The following PP2D1 variants were observed in gnomAD, a reference collection of about 807,000 sequenced individuals.
PP2D1 encodes protein phosphatase 2C-like domain-containing protein 1.
Under a neutral mutation model 30.2 loss-of-function variants are expected in PP2D1, and 25 were observed. That is an observed-to-expected ratio of 0.83 (90% CI 0.60 to 1.16). The LOEUF (loss-of-function observed/expected upper bound fraction) is 1.16, where lower values mean the gene tolerates loss of function less well. Among genes scored for constraint, PP2D1 ranks in the 50% most tolerant of loss-of-function variants. PP2D1 has a pLI of 0.00. For missense variants in PP2D1, 760 were observed against 742.4 expected, an observed-to-expected ratio of 1.02 and a Z score of -0.28; for synonymous variants, 260 against 258.9, an observed-to-expected ratio of 1.00 and a Z score of -0.04.
chr3:19,981,961 G>A (rs1319806028), downstream of PP2D1, among the ~76,000 whole-genome samples: 1 of 152,126 alleles, frequency 6.6e-6, no homozygotes, highest in African/African-American at 2.4e-5. Flanking sequence ...GAGAAAATGA[G>A]GTTGGTTGAG....
intron 1 of PP2D1, among the ~76,000 whole-genome samples, chr3:20,011,576 A>C (rs568530621): frequency 6.6e-6 from 1 of 152,266 alleles, no homozygotes; most frequent in East Asian, 1.9e-4. Flanking sequence ...AGGCGGGCCT[A>C]TCACTTGAGG....
rs1435620127 is a variant in PP2D1, at chr3:19,985,856, T to C, written c.1417A>G (p.Thr473Ala). ...KEEVTALAMT[T>A]FHMYKETYCP... is the part of the protein sequence containing the mutation. ...TATGTTTCTTTATACATGTGAAATG[T>C]TGTCATTGCCAGGGCAGTAACTTCC... The change falls in exon 3 of 3, where the codon ACA becomes GCA. Residue 473 changes from threonine (T) to alanine (A), a missense_variant. Physicochemically the swap from Thr to Ala is moderately conservative, Grantham distance 58. Around this residue, in one of 3 missense-constraint regions of PP2D1, gnomAD observed 369 missense variants for 316.2 expected, o/e 1.17. Transcript: ENST00000389050. The C allele has an allele frequency of 4.6e-6, 7 of 1,536,258 alleles. No homozygotes were observed. The highest frequency in any genetic ancestry group is 6.1e-6 in the Non-Finnish European group (7 of 1,146,932).
At chr3:20,006,087 G>C (rs959595607) in intron 1 of PP2D1, among the ~76,000 whole-genome samples, 2 of 151,776 alleles carry the variant, frequency 1.3e-5, no homozygotes, top group Non-Finnish European at 2.9e-5. Context: ...TCTACTAATA[G>C]TACCCCAAAA....
chr3:20,005,256 G>A (rs1380985630), intron 1 of PP2D1, among the ~76,000 whole-genome samples: 8 of 151,906 alleles, frequency 5.3e-5, no homozygotes, highest in East Asian at 1.9e-4. Flanking sequence ...GGGTTCAAGC[G>A]TTTCTCCTGC....
intron 1 of PP2D1, among the ~76,000 whole-genome samples, chr3:20,010,734 G>A (rs1016968981): frequency 8.5e-5 from 13 of 152,050 alleles, no homozygotes; most frequent in Admixed American, 4.6e-4. Flanking sequence ...ACCCAGGGGC[G>A]GAGGTTGCGG....
At position 20,001,607 on chromosome 3, in the gene PP2D1, C is replaced by T. The variant is rs1337242177; in HGVS notation, c.513G>A (p.Val171=). The T allele has an allele frequency of 9.8e-6, 15 of 1,536,340 alleles. No homozygotes were observed. Among genetic ancestry groups the T allele is most frequent in the Non-Finnish European group, 1.3e-5 (15 of 1,146,926 alleles). The part of the protein sequence containing the change: ...QKICHLLIKG[V]GICEDRNSTW... The stretch of plus-strand genomic sequence containing the variant: ...TAGAATTCCTGTCTTCACAAATGCC[C>T]ACTCCTTTAATTAACAGATGACATA... Residue 171 remains valine (V), a synonymous_variant, in exon 2 of 3, where the codon GTG becomes GTA. Transcript: ENST00000389050.
chr3:19,986,227 A>G, intron 2 of PP2D1, 45 bp from the exon 3 acceptor site: 1 of 1,314,478 alleles, frequency 7.6e-7, no homozygotes, highest in East Asian at 2.6e-5. Context: ...TCCTAGAGAT[A>G]ACCAATTGTA....
chr3:20,002,641 C>G (rs1046411742), intron 1 of PP2D1, among the ~76,000 whole-genome samples: 1 of 152,186 alleles, frequency 6.6e-6, no homozygotes, highest in Non-Finnish European at 1.5e-5. Context: ...AATAGAAGGC[C>G]AGGCACGGTG....
chr3:20,001,727 A>G lies in PP2D1; in HGVS notation c.393T>C (p.Ile131=). The change falls in exon 2 of 3, where the codon ATT becomes ATC. Residue 131 remains isoleucine, a synonymous_variant. Coordinates refer to ENST00000389050, the MANE Select transcript of PP2D1 (RefSeq NM_001252657.2). ...FMFTEKTLQS[I]NNAFELLWKK... ...TCCAAAGCAGCTCAAAAGCATTATT[A>G]ATGCTCTGTAGGGTTTTTTCAGTGA... 6.5e-7 allele frequency: 1 copy of G among 1,532,696 alleles called. No homozygotes were observed. The highest frequency in any genetic ancestry group is 1.2e-5 in the South Asian group (1 of 83,692). 94.9% of individuals were successfully genotyped at this position (1,532,696 alleles called of 1,614,324 possible).
chr3:19,988,041 C>T (rs780077461), intron 2 of PP2D1, among the ~76,000 whole-genome samples: 2 of 152,230 alleles, frequency 1.3e-5, no homozygotes, highest in South Asian at 2.1e-4. Context: ...TTGTATGTCG[C>T]TTCAGGACCC....
downstream of PP2D1, among the ~76,000 whole-genome samples, chr3:19,982,929 T>G (rs933604261): frequency 6.6e-6 from 1 of 152,194 alleles, no homozygotes; most frequent in Non-Finnish European, 1.5e-5. Context: ...ATTTGTATCC[T>G]GACTTGTTCT....
chr3:19,983,883 A>G (rs1575080659), downstream of PP2D1: 2 of 1,187,122 alleles, frequency 1.7e-6, no homozygotes, highest in East Asian at 5.1e-5. Flanking sequence ...TAACAATGGA[A>G]TTGGAGCATT....
chr3:19,990,568 G>A lies in PP2D1; in HGVS notation c.1091-4386C>T, dbSNP rs547215765. On this transcript the variant is annotated intron_variant, in intron 2 of 2. Transcript: ENST00000389050. ...GGAAGCAGAGGGTGAGATTCATCAG[G>A]AAGACTACTAATGGAACGAACTAAA... Among the ~76,000 whole-genome samples, 4 of 152,314 alleles carry A rather than the reference G, an allele frequency of 2.6e-5. No homozygotes were observed. The East Asian group carries it at 7.7e-4, about 29-fold the overall frequency.
rs1401880946 is a variant in PP2D1 at position 19,996,476 on chromosome 3, T to C, written c.1090+4554A>G. Among the ~76,000 whole-genome samples, 4 of 152,148 alleles carry C rather than the reference T, an allele frequency of 2.6e-5. 1 individual carries two copies. The South Asian group carries it at 8.3e-4, about 32-fold the overall frequency. ...CCCAAATGAAAAGCCCGGGACCAGA[T>C]GGCTTCACTGCTGAATTCTACCAAA... On this transcript the variant is annotated intron_variant, in intron 2 of 2. Coordinates refer to ENST00000389050, the MANE Select transcript of PP2D1 (RefSeq NM_001252657.2).
downstream of PP2D1, among the ~76,000 whole-genome samples, chr3:19,981,613 CA>C (rs11307995): frequency 0.23 from 31,310 of 138,682 alleles, 3,917 homozygotes; most frequent in African/African-American, 0.37. Context: ...GACTCCGCCT[CA>C]AAAAAAAAAA....
At chr3:19,991,323 A>G (rs1326649743) in intron 2 of PP2D1, among the ~76,000 whole-genome samples, 1 of 152,224 alleles carries the variant, frequency 6.6e-6, no homozygotes, top group Non-Finnish European at 1.5e-5. Context: ...TTACAGAGTG[A>G]ACTCTGGAAT....
chr3:19,981,513 C>T (rs1696927055), downstream of PP2D1, among the ~76,000 whole-genome samples: 2 of 151,924 alleles, frequency 1.3e-5, no homozygotes, highest in South Asian at 4.1e-4. Context: ...ACTTGGGAGG[C>T]TGAGGCAGGG....
At chr3:19,988,520 T>C (rs889211262) in intron 2 of PP2D1, among the ~76,000 whole-genome samples, 3 of 152,220 alleles carry the variant, frequency 2.0e-5, no homozygotes, top group African/African-American at 4.8e-5. Context: ...ATTAGCAATT[T>C]TAATTTCACC....
At position 19,998,287 on chromosome 3, in the gene PP2D1, G is replaced by A. The variant is rs1002792095; in HGVS notation, c.1090+2743C>T. 5.9e-5 allele frequency among the ~76,000 whole-genome samples: 9 copies of A among 151,604 alleles called. No individual in the cohort carries two copies. The East Asian group carries it at 1.2e-3, about 20-fold the overall frequency. ...GGAGATTGCAGTGAGCCAAGATCGC[G>A]CCACTGCACTCCAGCCTAGGCAACA... is the stretch of plus-strand genomic sequence containing the variant. On this transcript the variant is annotated intron_variant, in intron 2 of 2. Transcript: ENST00000389050.
Sources: gnomAD v4.1 joint callset for allele counts (sites outside exome capture counted in the v4.1 genomes callset) on GRCh38, gnomAD v4.1.1 for gene constraint, gnomAD v4.1.1 regional missense constraint, MANE v1.5 for transcripts, NCBI Gene and HGNC (gene_info 2026-07-23, HGNC 2026-07-21) for gene names.